The following SPRED1 variants were observed in gnomAD, a reference collection of about 807,000 sequenced individuals.
SPRED1 encodes sprouty related EVH1 domain containing 1.
SPRED1 carries 18 observed loss-of-function variants against 52.3 expected under a neutral mutation model. The observed-to-expected ratio is 0.34, with a 90% CI of 0.24 to 0.51. The LOEUF is 0.51. Ranked by LOEUF, SPRED1 falls within the 20% of genes least tolerant of loss-of-function variation. The pLI is 0.97. For synonymous variants in SPRED1, 155 were observed against 179.7 expected, an observed-to-expected ratio of 0.86 and a Z score of 1.10; for missense variants, 485 against 551.0, an observed-to-expected ratio of 0.88 and a Z score of 1.20.
intron 4 of SPRED1, 50 bp from the exon 5 acceptor site, chr15:38,339,687 G>C: frequency 6.4e-7 from 1 of 1,569,088 alleles, no homozygotes; most frequent in Non-Finnish European, 8.8e-7. Context: ...TTTTGTGGTG[G>C]TGGTGGTTTT....
intron 2 of SPRED1, among the ~76,000 whole-genome samples, chr15:38,301,179 T>C (rs1357959953): frequency 1.3e-5 from 2 of 152,136 alleles, no homozygotes; most frequent in Non-Finnish European, 2.9e-5. Flanking sequence ...GCATAACTAA[T>C]TATGAGTCTG....
In SPRED1 at chr15:38,253,005, G is replaced by T. The variant is rs1405970358; in HGVS notation, c.-181G>T. ...TTGCTGCCGCCACCCCCCTGCGGGG[G>T]TGGCCGGGGTTCCCGGCTGGGGGGG... On this transcript the variant is annotated 5_prime_UTR_variant, in exon 1 of 7. Coordinates refer to ENST00000299084, the MANE Select transcript of SPRED1 (RefSeq NM_152594.3). The T allele has an allele frequency of 4.8e-6, 3 of 629,080 alleles. No homozygotes were observed. Among genetic ancestry groups the T allele is most frequent in the Non-Finnish European group, 8.5e-6 (3 of 352,236 alleles). The allele number at this position is 629,080 out of a possible 1,614,324, so 39.0% of individuals were successfully genotyped here.
chr15:38,266,400 G>C (rs917150219), intron 1 of SPRED1, among the ~76,000 whole-genome samples: 1 of 152,114 alleles, frequency 6.6e-6, no homozygotes, highest in Non-Finnish European at 1.5e-5. Context: ...AGCACTTTAG[G>C]AGGCCGAGGT....
intron 1 of SPRED1, 21 bp downstream of exon 1, chr15:38,253,238 G>T: frequency 6.4e-7 from 1 of 1,565,082 alleles, no homozygotes; most frequent in Non-Finnish European, 8.7e-7. Context: ...CATTGATCTC[G>T]ATTGCTAATC....
intron 2 of SPRED1, among the ~76,000 whole-genome samples, chr15:38,310,604 C>G (rs1895346760): frequency 6.6e-6 from 1 of 152,156 alleles, no homozygotes; most frequent in Admixed American, 6.5e-5. Flanking sequence ...CTGTTTAGGT[C>G]TTTGAATCCT....
chr15:38,299,750 G>C (rs1895116059), intron 2 of SPRED1, among the ~76,000 whole-genome samples: 1 of 151,890 alleles, frequency 6.6e-6, no homozygotes, highest in Non-Finnish European at 1.5e-5. Context: ...GGGGGATGGG[G>C]TTGCTGCTTT....
At chr15:38,320,962 T>C (rs1208939575) in intron 2 of SPRED1, among the ~76,000 whole-genome samples, 1 of 152,192 alleles carries the variant, frequency 6.6e-6, no homozygotes, top group Non-Finnish European at 1.5e-5. Flanking sequence ...TTTAAAATGC[T>C]CTAAAAGGTG....
chr15:38,294,537 C>A (rs1294897493), intron 1 of SPRED1, among the ~76,000 whole-genome samples: 2 of 151,964 alleles, frequency 1.3e-5, no homozygotes, highest in African/African-American at 4.8e-5. Context: ...TATATTTTAG[C>A]CTGGAGGTCA....
intron 1 of SPRED1, among the ~76,000 whole-genome samples, chr15:38,285,496 T>G (rs1461659585): frequency 6.6e-6 from 1 of 152,140 alleles, no homozygotes; most frequent in African/African-American, 2.4e-5. Flanking sequence ...GGGAAGGGGT[T>G]TAGGTGGTGA....
At chr15:38,318,455 T>C (rs1895532877) in intron 2 of SPRED1, among the ~76,000 whole-genome samples, 1 of 152,120 alleles carries the variant, frequency 6.6e-6, no homozygotes, top group Admixed American at 6.6e-5. Flanking sequence ...TATTTACAAT[T>C]TCATCTTTTA....
chr15:38,253,056 A>T lies in SPRED1; in HGVS notation c.-130A>T. 1 of 770,414 alleles carries T rather than the reference A, an allele frequency of 1.3e-6. No homozygotes were observed. The highest frequency in any genetic ancestry group is 2.2e-6 in the Non-Finnish European group (1 of 447,186). 47.7% of individuals were successfully genotyped at this position (770,414 alleles called of 1,614,324 possible). ...TACCGTTCTGGGTGAGGCATCCACC[A>T]TGGTGAGGCCCCTGTGCCGCTGCCC... On this transcript the variant is annotated 5_prime_UTR_variant, in exon 1 of 7. It removes an upstream start codon present in the reference 5' UTR. Transcript: ENST00000299084.
At position 38,324,792 on chromosome 15, in the gene SPRED1, G is replaced by A. The variant is rs1555391158; in HGVS notation, c.406G>A (p.Gly136Arg). The A allele has an allele frequency of 1.2e-6, 2 of 1,611,656 alleles. No individual in the cohort carries two copies. Among genetic ancestry groups the A allele is most frequent in the Admixed American group, 1.7e-5 (1 of 59,756 alleles). Residue 136 changes from glycine (G) to arginine (R), a missense_variant, in exon 4 of 7, where the codon GGG becomes AGG. Gly to Arg is a moderately radical substitution (Grantham distance 125). This residue lies in a region of SPRED1 where 232 missense variants were observed against 231.8 expected (regional missense o/e 1.00). Transcript: ENST00000299084. ...CCCCGAATCAAAAAATGAAGCTGAA[G>A]GGGCAGATGACTTACAAGTAAGTAA... ...GCPESKNEAE[G>R]ADDLQANEED...
At chr15:38,261,392 T>C (rs931192659) in intron 1 of SPRED1, among the ~76,000 whole-genome samples, 2 of 152,232 alleles carry the variant, frequency 1.3e-5, no homozygotes, top group Non-Finnish European at 2.9e-5. Context: ...AATTGCCTTG[T>C]GTCTGAAATT....
Position 38,341,726 on chromosome 15 carries a change from AT to A in SPRED1, c.582+1838del, listed in dbSNP as rs1032492821. On this transcript the variant is annotated intron_variant, in intron 5 of 6. Coordinates refer to ENST00000299084, the MANE Select transcript of SPRED1 (RefSeq NM_152594.3). The stretch of plus-strand genomic sequence containing the variant: ...TAAAGATGATTTCATGTATGACTTC[AT>A]TTTTTTGATATTTGTTGGAACTTGG... 4.6e-5 allele frequency among the ~76,000 whole-genome samples: 7 copies of A among 151,838 alleles called. 1 individual carries two copies. Among genetic ancestry groups the A allele is most frequent in the African/African-American group, 1.5e-4 (6 of 41,342 alleles).
rs1888612087 is a variant in SPRED1, at chr15:38,356,016, T to C, written c.*4352T>C. 6.6e-6 allele frequency: 1 copy of C among 152,210 alleles called. No homozygotes were observed. The highest frequency in any genetic ancestry group is 2.4e-5 in the African/African-American group (1 of 41,466). The allele number at this position is 152,210 out of a possible 1,614,324, so 9.4% of individuals were successfully genotyped here. On this transcript the variant is annotated 3_prime_UTR_variant, in exon 7 of 7. Transcript: ENST00000299084. ...TCATATGCTTTGGTACACTGATAAA[T>C]GTTAGCCATTATTCCTGAAAGCTTC...
At chr15:38,304,710 T>G (rs1250547817) in intron 2 of SPRED1, among the ~76,000 whole-genome samples, 1 of 152,198 alleles carries the variant, frequency 6.6e-6, no homozygotes, top group Non-Finnish European at 1.5e-5. Flanking sequence ...AGCAGGCTAC[T>G]TTCCTGGATC....
intron 2 of SPRED1, among the ~76,000 whole-genome samples, chr15:38,300,121 C>G (rs1170399121): frequency 1.3e-5 from 2 of 152,088 alleles, no homozygotes; most frequent in Non-Finnish European, 2.9e-5. Flanking sequence ...ATTTTTAACA[C>G]TATTGTCTTC....
intron 5 of SPRED1, among the ~76,000 whole-genome samples, chr15:38,345,067 C>T (rs16966816): frequency 0.042 from 6,410 of 152,162 alleles, 460 homozygotes; most frequent in African/African-American, 0.15. Flanking sequence ...GATAGTGTAG[C>T]AGTTTTCCAT....
chr15:38,283,323 C>G (rs1894734953), intron 1 of SPRED1, among the ~76,000 whole-genome samples: 1 of 152,174 alleles, frequency 6.6e-6, no homozygotes, highest in Admixed American at 6.5e-5. Flanking sequence ...CACCTCCCAC[C>G]TGGTTCCTCC....
Sources: gnomAD v4.1 joint callset for allele counts (sites outside exome capture counted in the v4.1 genomes callset) on GRCh38, gnomAD v4.1.1 for gene constraint, gnomAD v4.1.1 regional missense constraint, MANE v1.5 for transcripts, NCBI Gene and HGNC (gene_info 2026-07-23, HGNC 2026-07-21) for gene names.